Variants in SUGCT observed in about 807,000 individuals in gnomAD.
SUGCT encodes the protein succinyl-CoA:glutarate CoA-transferase.
SUGCT carries 41 observed loss-of-function variants against 55.0 expected under a neutral mutation model. That is an observed-to-expected ratio of 0.74 (90% CI 0.58 to 0.97). SUGCT has a LOEUF of 0.97. Ranked by LOEUF, SUGCT falls within the 50% of genes least tolerant of loss-of-function variation. The pLI is 0.00. For missense variants in SUGCT, 568 were observed against 547.8 expected (o/e 1.04, Z -0.37); for synonymous variants, 187 against 200.4 (o/e 0.93, Z 0.56).
chr7:40,145,984 C>T (rs1237839090), intron 1 of SUGCT, among the ~76,000 whole-genome samples: 1 of 152,178 alleles, frequency 6.6e-6, no homozygotes, highest in Non-Finnish European at 1.5e-5. Flanking sequence ...AGATTTAGAT[C>T]CTGTTAGGAA....
At chr7:40,407,249 G>T (rs1004863284) in intron 9 of SUGCT, among the ~76,000 whole-genome samples, 1 of 151,938 alleles carries the variant, frequency 6.6e-6, no homozygotes, top group Non-Finnish European at 1.5e-5. Flanking sequence ...ACCCTGATTG[G>T]CTCTATGAAT....
chr7:40,337,054 C>T (rs901682552), intron 9 of SUGCT, among the ~76,000 whole-genome samples: 4 of 152,098 alleles, frequency 2.6e-5, no homozygotes, highest in Admixed American at 1.3e-4. Context: ...TGTAGTTGAG[C>T]GATTTTGAGT....
At chr7:40,864,717 A>G (rs1195446619), downstream of SUGCT, among the ~76,000 whole-genome samples, 1 of 149,850 alleles carries the variant, frequency 6.7e-6, no homozygotes, top group Non-Finnish European at 1.5e-5. Flanking sequence ...AAATTTGATT[A>G]GGGGGAAAGG....
intron 12 of SUGCT, among the ~76,000 whole-genome samples, chr7:40,708,400 A>G (rs193160048): frequency 6.4e-4 from 98 of 152,308 alleles, no homozygotes; most frequent in African/African-American, 2.3e-3. Flanking sequence ...AAGTAAAGGA[A>G]TAGGTCAATA....
chr7:40,540,312 G>T (rs555561217), intron 12 of SUGCT, among the ~76,000 whole-genome samples: 1 of 152,302 alleles, frequency 6.6e-6, no homozygotes, highest in East Asian at 1.9e-4. Context: ...CAATAGCTCT[G>T]TAAGGTAAGG....
chr7:40,749,552 T>A, intron 13 of SUGCT, 55 bp downstream of exon 13: 1 of 1,376,494 alleles, frequency 7.3e-7, no homozygotes, highest in Non-Finnish European at 1.0e-6. Flanking sequence ...TTGTCCCATA[T>A]GCTGTTTACT....
chr7:40,965,569 A>G, the SUGCT span: 5 of 152,250 alleles, frequency 3.3e-5, no homozygotes, highest in Admixed American at 2.0e-4. Context: ...TAATGTCAAC[A>G]TTATGAATTC....
chr7:40,914,030 C>G, the SUGCT span, among the ~76,000 whole-genome samples: 24,146 of 151,382 alleles, frequency 0.16, 2,319 homozygotes, highest in African/African-American at 0.28. Context: ...TGAGACTAAA[C>G]ATGCTGTTAA....
At chr7:40,640,041 A>G (rs1407093037) in intron 12 of SUGCT, among the ~76,000 whole-genome samples, 1 of 152,224 alleles carries the variant, frequency 6.6e-6, no homozygotes, top group African/African-American at 2.4e-5. Context: ...AGTGTAAACT[A>G]TCCTTAAGGC....
At chr7:40,705,863 G>T (rs1785373578) in intron 12 of SUGCT, among the ~76,000 whole-genome samples, 1 of 152,088 alleles carries the variant, frequency 6.6e-6, no homozygotes, top group Non-Finnish European at 1.5e-5. Flanking sequence ...AACTCAGAGG[G>T]GACTGGTGTG....
At position 40,449,309 on chromosome 7, in the gene SUGCT, A is replaced by T. The variant is rs368009272; in HGVS notation, c.839A>T (p.Tyr280Phe). The T allele has an allele frequency of 6.2e-7, 1 of 1,611,868 alleles. No homozygotes were observed. The highest frequency in any genetic ancestry group is 1.3e-5 in the African/African-American group (1 of 74,882). Residue 280 changes from tyrosine (Y) to phenylalanine (F), a missense_variant, in exon 10 of 14, where the codon TAT becomes TTT. Coordinates refer to ENST00000335693, the MANE Select transcript of SUGCT (RefSeq NM_001193313.2). ...TAGGCTTTTAAAACCAAGGATGGCT[A>T]TATTGTAGTTGGAGCAGGAAATAAC... The part of the protein sequence containing the change: ...PYQAFKTKDG[Y>F]IVVGAGNNQQ...
intron 9 of SUGCT, among the ~76,000 whole-genome samples, chr7:40,388,499 T>C (rs1785241453): frequency 6.6e-6 from 1 of 152,136 alleles, no homozygotes; most frequent in Non-Finnish European, 1.5e-5. Flanking sequence ...CACTGCAACC[T>C]CCACCACCCA....
At chr7:40,899,869 T>C in the SUGCT span, among the ~76,000 whole-genome samples, 1 of 152,182 alleles carries the variant, frequency 6.6e-6, no homozygotes, top group Non-Finnish European at 1.5e-5. Flanking sequence ...CGTATGGCCA[T>C]GTATGTCATT....
At position 40,374,816 on chromosome 7, in the gene SUGCT, A is replaced by G. The variant is rs570877438; in HGVS notation, c.816+57961A>G. Among the ~76,000 whole-genome samples the G allele has an allele frequency of 2.0e-5, 3 of 152,160 alleles. No individual in the cohort carries two copies. The South Asian group carries it at 6.2e-4, about 32-fold the overall frequency. ...CACACAAACAAGAACATGGTGAGAC[A>G]TATGTGGGCGTGAGTGCAGAGAGCA... On this transcript the variant is annotated intron_variant, in intron 9 of 13. Transcript: ENST00000335693.
intron 9 of SUGCT, among the ~76,000 whole-genome samples, chr7:40,344,395 A>G (rs1797208872): frequency 6.6e-6 from 1 of 152,158 alleles, no homozygotes; most frequent in African/African-American, 2.4e-5. Flanking sequence ...ACTAGGGCCC[A>G]TGGATCTGTG....
intron 1 of SUGCT, among the ~76,000 whole-genome samples, chr7:40,168,475 C>G (rs1784524210): frequency 6.6e-6 from 1 of 152,168 alleles, no homozygotes; most frequent in Non-Finnish European, 1.5e-5. Context: ...TTCACAGCTT[C>G]TATTCTGGAA....
intron 12 of SUGCT, among the ~76,000 whole-genome samples, chr7:40,637,472 C>T (rs1419193704): frequency 6.6e-6 from 1 of 152,150 alleles, no homozygotes; most frequent in African/African-American, 2.4e-5. Context: ...CGGGGAGGAC[C>T]CCTTGACCCC....
chr7:40,914,671 G>A, the SUGCT span, among the ~76,000 whole-genome samples: 31 of 152,278 alleles, frequency 2.0e-4, no homozygotes, highest in Non-Finnish European at 3.8e-4. Flanking sequence ...AGAAGTTGGC[G>A]TTTTATGTTG....
At chr7:40,542,990 A>T (rs1054950901) in intron 12 of SUGCT, among the ~76,000 whole-genome samples, 8 of 152,238 alleles carry the variant, frequency 5.3e-5, no homozygotes, top group Non-Finnish European at 7.3e-5. Context: ...CATTTAGGCC[A>T]ATTGCTATGG....
Sources: gnomAD v4.1 joint callset for allele counts (sites outside exome capture counted in the v4.1 genomes callset) on GRCh38, gnomAD v4.1.1 for gene constraint, MANE v1.5 for transcripts, NCBI Gene and HGNC (gene_info 2026-07-23, HGNC 2026-07-21) for gene names.